DMXL2: variants seen among roughly 807,000 people sequenced by gnomAD.
DMXL2 encodes dmX-like protein 2.
In DMXL2, 103 loss-of-function variants were observed where a neutral mutation model predicts 331.1. That is an observed-to-expected ratio of 0.31 (90% CI 0.27 to 0.37). The LOEUF (loss-of-function observed/expected upper bound fraction) is 0.37, where lower values mean the gene tolerates loss of function less well. DMXL2 is among the 10% of genes least tolerant of loss of function. DMXL2 has a pLI of 1.00. For synonymous variants in DMXL2, 1,281 were observed against 1,252.1 expected, an observed-to-expected ratio of 1.02 and a Z score of -0.49; for missense variants, 3,171 against 3,642.9, an observed-to-expected ratio of 0.87 and a Z score of 3.33.
At chr15:51,606,195 TG>T (rs1156947155) in intron 1 of DMXL2, among the ~76,000 whole-genome samples, 1 of 152,160 alleles carries the variant, frequency 6.6e-6, no homozygotes, top group East Asian at 1.9e-4. Flanking sequence ...ATAGAGATTT[TG>T]TATGTGTGTG....
At chr15:51,501,764 C>T (rs1296685077) in intron 17 of DMXL2, among the ~76,000 whole-genome samples, 1 of 150,102 alleles carries the variant, frequency 6.7e-6, no homozygotes, top group Non-Finnish European at 1.5e-5. Context: ...ACTAAAAATA[C>T]AAAAAATTAG....
chr15:51,564,049 T>A, intron 5 of DMXL2, 76 bp downstream of exon 5: 6 of 1,472,056 alleles, frequency 4.1e-6, no homozygotes, highest in Non-Finnish European at 5.4e-6. Context: ...AAAATAAAGA[T>A]CTTTGTGAAA....
At chr15:51,522,454 G>C (rs188424184) in intron 13 of DMXL2, among the ~76,000 whole-genome samples, 8 of 152,268 alleles carry the variant, frequency 5.3e-5, no homozygotes, top group Non-Finnish European at 1.0e-4. Context: ...AGACCAGCCT[G>C]GCCAATATGG....
chr15:51,492,780 A>G (rs2042901352), intron 19 of DMXL2, among the ~76,000 whole-genome samples: 1 of 152,242 alleles, frequency 6.6e-6, no homozygotes, highest in Non-Finnish European at 1.5e-5. Context: ...AATTCATTTT[A>G]GAAACAAAGA....
chr15:51,554,971 A>T (rs1322618555), intron 6 of DMXL2, among the ~76,000 whole-genome samples: 1 of 152,190 alleles, frequency 6.6e-6, no homozygotes, highest in Non-Finnish European at 1.5e-5. Flanking sequence ...CAGCCTGGCC[A>T]TCATGACGAA....
intron 13 of DMXL2, among the ~76,000 whole-genome samples, chr15:51,519,267 C>T (rs74945691): frequency 0.024 from 3,636 of 152,100 alleles, 65 homozygotes; most frequent in Non-Finnish European, 0.037. Context: ...CAGGTGCATG[C>T]AACCATGCCT....
intron 34 of DMXL2, 31 bp from the exon 35 acceptor site, chr15:51,458,826 C>T (rs535795270): frequency 2.6e-5 from 41 of 1,575,684 alleles, no homozygotes; most frequent in Non-Finnish European, 3.3e-5. Context: ...GTTTTAGTTG[C>T]TGCAGCACAG....
intron 1 of DMXL2, among the ~76,000 whole-genome samples, chr15:51,580,447 A>G (rs1407399632): frequency 6.6e-6 from 1 of 152,194 alleles, no homozygotes; most frequent in Non-Finnish European, 1.5e-5. Context: ...GGAGGCAAGG[A>G]AAAGGACTGC....
chr15:51,535,601 C>T, intron 13 of DMXL2, 62 bp downstream of exon 13: 2 of 1,482,584 alleles, frequency 1.3e-6, no homozygotes, highest in South Asian at 2.8e-5. Context: ...AGGTCCTAGA[C>T]AAAGTCAAAA....
intron 17 of DMXL2, among the ~76,000 whole-genome samples, chr15:51,502,304 GTT>G: frequency 7.7e-6 from 1 of 129,416 alleles, no homozygotes; most frequent in East Asian, 2.2e-4. Flanking sequence ...AATTTTGTGG[GTT>G]TGTGTGTGTG....
chr15:51,502,306 T>TTGTGTGTGTGTGTGTG (rs769283309), intron 17 of DMXL2, among the ~76,000 whole-genome samples: 2,042 of 140,580 alleles, frequency 0.015, 57 homozygotes, highest in African/African-American at 0.052. Context: ...TTTTGTGGGT[T>TTGTGTGTGTGTGTGTG]TGTGTGTGTG....
intron 18 of DMXL2, among the ~76,000 whole-genome samples, chr15:51,495,765 A>C (rs543021470): frequency 6.6e-6 from 1 of 152,286 alleles, no homozygotes; most frequent in Non-Finnish European, 1.5e-5. Context: ...AAGCAAAGCA[A>C]AAATACAGAC....
intron 23 of DMXL2, among the ~76,000 whole-genome samples, chr15:51,484,961 C>T (rs575313673): frequency 7.4e-6 from 1 of 135,620 alleles, no homozygotes; most frequent in African/African-American, 2.8e-5. Context: ...AGAGCTTCAA[C>T]AACAGACTAG....
intron 1 of DMXL2, 21 bp downstream of exon 1, chr15:51,622,438 G>A (rs2054714932): frequency 1.3e-6 from 2 of 1,553,222 alleles, no homozygotes; most frequent in Non-Finnish European, 1.7e-6. Flanking sequence ...TCTTCCCCTA[G>A]GGCTCCCGGC....
At position 51,619,011 on chromosome 15, in the gene DMXL2, A is replaced by C. The variant is rs557099907; in HGVS notation, c.87+3448T>G. ...AGTCTGCAAGCCTTAAGGCCAAATG[A>C]ATTTTTAATTTAAAAAATCATCACG... On this transcript the variant is annotated intron_variant, in intron 1 of 43. Coordinates refer to ENST00000560891, the MANE Select transcript of DMXL2 (RefSeq NM_001378457.1). Among the ~76,000 whole-genome samples, 149 of 152,356 alleles carry C rather than the reference A, an allele frequency of 9.8e-4. 2 individuals carry two copies. The highest frequency in any genetic ancestry group is 3.4e-3 in the African/African-American group (143 of 41,592).
intron 15 of DMXL2, among the ~76,000 whole-genome samples, chr15:51,509,383 T>C (rs985987847): frequency 2.0e-5 from 3 of 152,060 alleles, no homozygotes; most frequent in Admixed American, 2.0e-4. Flanking sequence ...CTATCATCAC[T>C]GATCCCACAG....
chr15:51,509,931 C>G (rs1418088032), intron 15 of DMXL2, among the ~76,000 whole-genome samples: 1 of 152,040 alleles, frequency 6.6e-6, no homozygotes. Flanking sequence ...TACTCCATCA[C>G]GTAAACAGAA....
intron 13 of DMXL2, among the ~76,000 whole-genome samples, chr15:51,522,765 A>G (rs2047450244): frequency 6.6e-6 from 1 of 152,224 alleles, no homozygotes; most frequent in Admixed American, 6.5e-5. Flanking sequence ...CCTCAAAACT[A>G]TCTTGCCATA....
chr15:51,606,663 A>C (rs142092789), intron 1 of DMXL2, among the ~76,000 whole-genome samples: 1 of 152,338 alleles, frequency 6.6e-6, no homozygotes, highest in East Asian at 1.9e-4. Context: ...GCCTTAGGTT[A>C]TTCCTAAAAG....
Sources: allele counts gnomAD v4.1 joint callset (sites outside exome capture counted in the v4.1 genomes callset), GRCh38; gene constraint gnomAD v4.1.1; transcripts MANE v1.5; gene names NCBI Gene and HGNC (gene_info 2026-07-23, HGNC 2026-07-21).